Variants in R3HDM2 observed in about 807,000 individuals in gnomAD.
R3HDM2 encodes R3H domain-containing protein 2.
A neutral mutation model predicts 124.5 loss-of-function variants in R3HDM2; 38 were observed. That is an observed-to-expected ratio of 0.31 (90% CI 0.24 to 0.40). The LOEUF is 0.40. Ranked by LOEUF, R3HDM2 falls within the 10% of genes least tolerant of loss-of-function variation. The probability of loss-of-function intolerance (pLI) is 1.00; values close to 1 mark genes in which losing one functional copy is unlikely to be tolerated. For synonymous variants in R3HDM2, 391 were observed against 448.0 expected (o/e 0.87, Z 1.61); for missense variants, 869 against 1,236.9 (o/e 0.70, Z 4.46).
intron 9 of R3HDM2, among the ~76,000 whole-genome samples, chr12:57,295,989 C>T (rs2049765427): frequency 6.6e-6 from 1 of 152,152 alleles, no homozygotes. Context: ...CCTGCCTCAG[C>T]CTCCCGAGTA....
At chr12:57,429,028 G>T (rs1254280421) in intron 1 of R3HDM2, among the ~76,000 whole-genome samples, 1 of 152,104 alleles carries the variant, frequency 6.6e-6, no homozygotes, top group Non-Finnish European at 1.5e-5. Flanking sequence ...ATTACAGCAT[G>T]AGCCACCGTG....
At chr12:57,366,362 CTA>C (rs2062655708) in intron 2 of R3HDM2, among the ~76,000 whole-genome samples, 1 of 152,158 alleles carries the variant, frequency 6.6e-6, no homozygotes, top group Admixed American at 6.6e-5. Context: ...GTTTCATTTG[CTA>C]TGTCTTCAAG....
chr12:57,350,648 C>A (rs1442687310), intron 2 of R3HDM2, among the ~76,000 whole-genome samples: 2 of 152,050 alleles, frequency 1.3e-5, no homozygotes, highest in Non-Finnish European at 2.9e-5. Flanking sequence ...TAACTAAAAC[C>A]AAAAACAAAC....
At chr12:57,417,766 G>A (rs1437374496) in intron 1 of R3HDM2, among the ~76,000 whole-genome samples, 3 of 152,158 alleles carry the variant, frequency 2.0e-5, no homozygotes, top group African/African-American at 7.2e-5. Flanking sequence ...CACGTGATGG[G>A]AAATGTAGCT....
intron 14 of R3HDM2, among the ~76,000 whole-genome samples, chr12:57,273,158 A>G (rs2043961987): frequency 6.6e-6 from 1 of 152,162 alleles, no homozygotes; most frequent in Non-Finnish European, 1.5e-5. Flanking sequence ...GCTTCTGGCT[A>G]CTTCCTTCCA....
chr12:57,334,553 A>G (rs1446339504), intron 2 of R3HDM2, among the ~76,000 whole-genome samples: 2 of 152,168 alleles, frequency 1.3e-5, no homozygotes, highest in Non-Finnish European at 2.9e-5. Context: ...ATACAGACAA[A>G]TAAGAAATGC....
chr12:57,396,996 GGGA>G (rs2067607752), intron 1 of R3HDM2, among the ~76,000 whole-genome samples: 2 of 151,444 alleles, frequency 1.3e-5, no homozygotes, highest in South Asian at 4.2e-4. Context: ...GGGAGGCTGA[GGGA>G]GGAGAATGGC....
chr12:57,337,511 T>C (rs117387969), intron 2 of R3HDM2, among the ~76,000 whole-genome samples: 2,514 of 152,214 alleles, frequency 0.017, 27 homozygotes, highest in Middle Eastern at 0.13. Flanking sequence ...CAACTTTCAG[T>C]GGGAGTCATA....
intron 2 of R3HDM2, among the ~76,000 whole-genome samples, chr12:57,352,976 C>T (rs868037172): frequency 6.6e-6 from 1 of 152,158 alleles, no homozygotes; most frequent in Non-Finnish European, 1.5e-5. Context: ...TCACACCACA[C>T]ACAAATATAA....
chr12:57,347,375 C>G (rs935390679), intron 2 of R3HDM2, among the ~76,000 whole-genome samples: 1 of 151,718 alleles, frequency 6.6e-6, no homozygotes, highest in African/African-American at 2.4e-5. Context: ...CTACAGTAAC[C>G]AATAAAAAAC....
intron 2 of R3HDM2, among the ~76,000 whole-genome samples, chr12:57,377,460 C>G (rs1594167585): frequency 6.6e-6 from 1 of 152,094 alleles, no homozygotes; most frequent in African/African-American, 2.4e-5. Flanking sequence ...GAAGAGATAA[C>G]TGGGTACTGC....
At chr12:57,357,418 C>A (rs998956746) in intron 2 of R3HDM2, among the ~76,000 whole-genome samples, 3 of 151,064 alleles carry the variant, frequency 2.0e-5, no homozygotes, top group Non-Finnish European at 2.9e-5. Flanking sequence ...GCCAAGATCG[C>A]GCCATTGCAC....
rs866266326 is a variant in R3HDM2, at chr12:57,294,301, C to T, written c.810+1098G>A. On this transcript the variant is annotated intron_variant, in intron 10 of 23. Transcript: ENST00000402412. ...CAATAGGGACAGACTCCACTTTGCC[C>T]CAATGTGCCTCTAGGCCTGAATAAT... Among the ~76,000 whole-genome samples, 3 of 152,220 alleles carry T rather than the reference C, an allele frequency of 2.0e-5. No individual in the cohort carries two copies. The South Asian group carries it at 6.2e-4, about 32-fold the overall frequency.
chr12:57,383,605 G>A (rs1196281550), intron 2 of R3HDM2, among the ~76,000 whole-genome samples: 1 of 152,142 alleles, frequency 6.6e-6, no homozygotes, highest in East Asian at 1.9e-4. Flanking sequence ...CTGCTCGGGA[G>A]GCTGAGGCAG....
intron 1 of R3HDM2, among the ~76,000 whole-genome samples, chr12:57,420,036 T>C (rs2070035819): frequency 6.6e-6 from 1 of 152,152 alleles, no homozygotes; most frequent in Non-Finnish European, 1.5e-5. Flanking sequence ...TCAAATTCCT[T>C]TGTTTAGATA....
intron 2 of R3HDM2, among the ~76,000 whole-genome samples, chr12:57,348,431 C>T (rs928526203): frequency 3.3e-5 from 5 of 151,942 alleles, no homozygotes; most frequent in South Asian, 2.1e-4. Context: ...CGGTGACTCA[C>T]GCCTGTAAAC....
At chr12:57,424,568 C>T (rs1030019488) in intron 1 of R3HDM2, among the ~76,000 whole-genome samples, 3 of 152,160 alleles carry the variant, frequency 2.0e-5, no homozygotes, top group Admixed American at 6.6e-5. Context: ...GTCTGACCCA[C>T]CCTTTTCCAA....
chr12:57,398,191 G>A (rs2067742444), intron 1 of R3HDM2, among the ~76,000 whole-genome samples: 1 of 149,840 alleles, frequency 6.7e-6, no homozygotes, highest in South Asian at 2.1e-4. Flanking sequence ...AGGCAAAAGA[G>A]CGAGACTCTG....
chr12:57,310,250 T>C lies in R3HDM2; in HGVS notation c.165+14A>G. 6.6e-7 allele frequency: 1 copy of C among 1,511,350 alleles called. No homozygotes were observed. The highest frequency in any genetic ancestry group is 8.9e-7 in the Non-Finnish European group (1 of 1,128,924). The allele number at this position is 1,511,350 out of a possible 1,614,324, so 93.6% of individuals were successfully genotyped here. A position where few individuals can be genotyped will look rare whatever the true frequency, so the allele number is the denominator to read the frequency against. ...AAAAAAAAAGTGTGCATACAATGCA[T>C]TTCCAATCGTTACCTGTGTCTCCTG... is the stretch of plus-strand genomic sequence containing the variant. On this transcript the variant is annotated intron_variant, in intron 3 of 23. Transcript: ENST00000402412.
Sources: allele counts gnomAD v4.1 joint callset (sites outside exome capture counted in the v4.1 genomes callset), GRCh38; gene constraint gnomAD v4.1.1; transcripts MANE v1.5; gene names NCBI Gene and HGNC (gene_info 2026-07-23, HGNC 2026-07-21).